The following HSPA12A variants were observed in gnomAD, a reference collection of about 807,000 sequenced individuals.
The protein encoded by HSPA12A is heat shock 70 kDa protein 12A.
A neutral mutation model predicts 69.2 loss-of-function variants in HSPA12A; 28 were observed. The ratio of observed to expected loss-of-function variants is 0.40; its 90% CI spans 0.30 to 0.55. HSPA12A has a LOEUF of 0.55. Ranked by LOEUF, HSPA12A falls within the 20% of genes least tolerant of loss-of-function variation. The pLI is 0.38. For synonymous variants in HSPA12A, 345 were observed against 370.5 expected (o/e 0.93, Z 0.79); for missense variants, 686 against 900.7 (o/e 0.76, Z 3.05).
chr10:116,754,310 G>A (rs1390315335), intron 2 of HSPA12A, among the ~76,000 whole-genome samples: 1 of 152,104 alleles, frequency 6.6e-6, no homozygotes, highest in African/African-American at 2.4e-5. Context: ...CTGGATAAAG[G>A]TAAAATGGCC....
intron 9 of HSPA12A, 75 bp from the exon 10 acceptor site, chr10:116,679,836 C>A: frequency 6.7e-7 from 1 of 1,495,874 alleles, no homozygotes; most frequent in Non-Finnish European, 9.1e-7. Context: ...GAGAAACAGG[C>A]CCACCTGTTC....
intron 2 of HSPA12A, among the ~76,000 whole-genome samples, chr10:116,765,712 T>TG (rs1335777013): frequency 1.1e-4 from 16 of 152,186 alleles, no homozygotes; most frequent in African/African-American, 3.9e-4. Context: ...ACCCGTTAGA[T>TG]GCTGAGAAAC....
chr10:116,698,452 C>T (rs1849979757), intron 5 of HSPA12A, 183 bp downstream of exon 5: 4 of 463,950 alleles, frequency 8.6e-6, no homozygotes, highest in Non-Finnish European at 1.2e-5. Flanking sequence ...AGAGGCCGCA[C>T]CATTTTACTT....
intron 2 of HSPA12A, among the ~76,000 whole-genome samples, chr10:116,774,404 T>C (rs1554890881): frequency 6.6e-6 from 1 of 152,164 alleles, no homozygotes; most frequent in East Asian, 1.9e-4. Flanking sequence ...ACCAGTGTGG[T>C]CCCTGACCAG....
In HSPA12A at chr10:116,686,540, G is replaced by A. The variant is rs138772787; in HGVS notation, c.664-2578C>T. 3.0e-4 allele frequency among the ~76,000 whole-genome samples: 46 copies of A among 152,332 alleles called. 1 individual carries two copies. The East Asian group carries it at 8.5e-3, about 28-fold the overall frequency. On this transcript the variant is annotated intron_variant, in intron 6 of 11. Transcript: ENST00000369209. This position sits in a 1 kb window ranked among gnomAD's most constrained non-coding sequence, Gnocchi z 4.1. ...TGGAGCCCAAGGAGTTGGTGTGAAG[G>A]AAGAAAGGCAAAGACCCAGACGCTA...
chr10:116,842,752 A>G (rs991453684), intron 1 of HSPA12A, among the ~76,000 whole-genome samples: 1 of 152,150 alleles, frequency 6.6e-6, no homozygotes, highest in Non-Finnish European at 1.5e-5. Context: ...ACAGGCACCC[A>G]CCACTGTGCC....
At chr10:116,849,481 T>C in intron 1 of HSPA12A, 2 of 1,392,576 alleles carry the variant, frequency 1.4e-6, no homozygotes, top group Admixed American at 3.0e-5. Flanking sequence ...GATCTGGGGG[T>C]CGGGATCACG....
intron 6 of HSPA12A, among the ~76,000 whole-genome samples, chr10:116,689,091 C>G (rs1849661094): frequency 6.6e-6 from 1 of 152,308 alleles, no homozygotes; most frequent in Non-Finnish European, 1.5e-5. Flanking sequence ...TGCACCCTCT[C>G]TGCAGCCTTT....
At position 116,710,661 on chromosome 10, in the gene HSPA12A, G is replaced by A. The variant is rs539508838; in HGVS notation, c.41-3376C>T. ...TTTTTCCATCAGAAGTTAAAATTCA[G>A]CTACACTGTGCAATGATTGAAAACT... On this transcript the variant is annotated intron_variant, in intron 1 of 11. Coordinates refer to ENST00000369209, the MANE Select transcript of HSPA12A (RefSeq NM_025015.3). The surrounding 1 kb of genome is among the most constrained non-coding windows in gnomAD (Gnocchi z 4.1). Among the ~76,000 whole-genome samples the A allele has an allele frequency of 6.6e-6, 1 of 152,270 alleles. No individual in the cohort carries two copies. Among genetic ancestry groups the A allele is most frequent in the Admixed American group, 6.5e-5 (1 of 15,296 alleles).
At chr10:116,798,616 C>T (rs1303561866) in intron 2 of HSPA12A, among the ~76,000 whole-genome samples, 3 of 152,048 alleles carry the variant, frequency 2.0e-5, no homozygotes, top group Non-Finnish European at 4.4e-5. Context: ...ATGCTCACAC[C>T]CTCAGGCCCT....
At chr10:116,681,520 G>A (rs1849400994) in intron 8 of HSPA12A, among the ~76,000 whole-genome samples, 1 of 152,186 alleles carries the variant, frequency 6.6e-6, no homozygotes. Context: ...CACGTACTTA[G>A]TGGGCAGTTT....
chr10:116,748,123 C>T (rs1348519107), intron 2 of HSPA12A, among the ~76,000 whole-genome samples: 1 of 152,234 alleles, frequency 6.6e-6, no homozygotes, highest in African/African-American at 2.4e-5. Flanking sequence ...GACTCCCAGC[C>T]CAGCTTAACC....
chr10:116,735,605 T>C (rs570373613), intron 1 of HSPA12A, among the ~76,000 whole-genome samples: 20 of 152,240 alleles, frequency 1.3e-4, no homozygotes, highest in African/African-American at 4.8e-4. Flanking sequence ...CCCAGACTAG[T>C]TGAGCCATCA....
At chr10:116,788,782 C>T (rs1844635282) in intron 2 of HSPA12A, among the ~76,000 whole-genome samples, 1 of 151,892 alleles carries the variant, frequency 6.6e-6, no homozygotes, top group Non-Finnish European at 1.5e-5. Context: ...CAGATAAACT[C>T]ACATAAATGA....
At position 116,732,766 on chromosome 10, in the gene HSPA12A, G is replaced by T. The variant is rs1002936710; in HGVS notation, c.40+9664C>A. Among the ~76,000 whole-genome samples, 6 of 152,358 alleles carry T rather than the reference G, an allele frequency of 3.9e-5. No individual in the cohort carries two copies. In the South Asian group the frequency reaches 6.2e-4, roughly 16 times the overall value. ...CAAGTCATGAATTTGTTAACGGCAA[G>T]GAGGTTTGGATCCTTGTGCCGTCTC... On this transcript the variant is annotated intron_variant, in intron 1 of 11. Transcript: ENST00000369209.
At position 116,848,500 on chromosome 10, in the gene HSPA12A, G is replaced by A. The variant is rs1042585454; in HGVS notation, c.3+1066C>T. Among the ~76,000 whole-genome samples the A allele has an allele frequency of 5.9e-5, 9 of 152,220 alleles. No individual in the cohort carries two copies. In the South Asian group the frequency reaches 1.4e-3, roughly 25 times the overall value. On this transcript the variant is annotated intron_variant, in intron 1 of 12. Coordinates refer to the HSPA12A transcript ENST00000635765. Reference sequence around the variant, plus strand: ...GTAAGATGATGTTTTCCAGAGGGGGGAAAGTGTGGCACAGATCTTGTAACT... The same window carrying A: ...GTAAGATGATGTTTTCCAGAGGGGGAAAAGTGTGGCACAGATCTTGTAACT...
At position 116,819,679 on chromosome 10, in the gene HSPA12A, G is replaced by A. The variant is rs541983209; in HGVS notation, c.91+15256C>T. ...CAGCCTAAGGTATTTTGTTGCAGCA[G>A]CCTCAACAGGCTATGATAGGTGGGT... On this transcript the variant is annotated intron_variant, in intron 2 of 12. Coordinates refer to the HSPA12A transcript ENST00000635765. Among the ~76,000 whole-genome samples, 12 of 152,274 alleles carry A rather than the reference G, an allele frequency of 7.9e-5. No homozygotes were observed. In the East Asian group the frequency reaches 2.3e-3, roughly 29 times the overall value.
chr10:116,706,070 A>AT (rs1315976752), intron 2 of HSPA12A, among the ~76,000 whole-genome samples: 1 of 150,660 alleles, frequency 6.6e-6, no homozygotes, highest in Non-Finnish European at 1.5e-5. Flanking sequence ...AATTTCTTGT[A>AT]TTTTTTAGTA....
chr10:116,734,448 TAAA>T (rs34843566), intron 1 of HSPA12A, among the ~76,000 whole-genome samples: 9 of 101,420 alleles, frequency 8.9e-5, no homozygotes, highest in African/African-American at 2.0e-4. Context: ...AGACTCTGTC[TAAA>T]AAAAAAAAAA....
Sources: gnomAD v4.1 joint callset for allele counts (sites outside exome capture counted in the v4.1 genomes callset) on GRCh38, gnomAD v4.1.1 for gene constraint, Gnocchi (gnomAD v3.1) non-coding constraint, MANE v1.5 for transcripts, NCBI Gene and HGNC (gene_info 2026-07-23, HGNC 2026-07-21) for gene names.